The following PCDHGA12 variants were observed in gnomAD, a reference collection of about 807,000 sequenced individuals.
PCDHGA12 encodes the protein protocadherin gamma-A12.
Under a neutral mutation model 61.1 loss-of-function variants are expected in PCDHGA12, and 43 were observed. The observed-to-expected ratio is 0.70, with a 90% CI of 0.55 to 0.91. The LOEUF is 0.91. Among genes scored for constraint, PCDHGA12 ranks in the 40% least tolerant of loss-of-function variants. The pLI, the probability that PCDHGA12 is intolerant of heterozygous loss-of-function variation, is 0.00. For missense variants in PCDHGA12, 1,236 were observed against 1,227.7 expected (o/e 1.01, Z -0.10); for synonymous variants, 520 against 542.9 (o/e 0.96, Z 0.59).
In PCDHGA12 at chr5:141,477,377, C is replaced by A. The variant is rs1456451105; in HGVS notation, c.2425-17430C>A. On this transcript the variant is annotated intron_variant, in intron 1 of 3. Coordinates refer to ENST00000252085, the MANE Select transcript of PCDHGA12 (RefSeq NM_003735.3). This position sits in a 1 kb window ranked among gnomAD's most constrained non-coding sequence, Gnocchi z 4.9. ...TGCAGACCTGGATCGGGAGACTGTG[C>A]CAGAATACAACCTCAGCATCACCGC... 1.2e-6 allele frequency: 2 copies of A among 1,614,026 alleles called. No homozygotes were observed. The highest frequency in any genetic ancestry group is 1.7e-6 in the Non-Finnish European group (2 of 1,180,032).
intron 1 of PCDHGA12, chr5:141,441,945 G>A: frequency 3.0e-6 from 1 of 333,884 alleles, no homozygotes; most frequent in Non-Finnish European, 5.8e-6. Flanking sequence ...ACCACGTGCT[G>A]CAGGCCAGCA....
At chr5:141,452,193 G>A (rs764434048) in intron 1 of PCDHGA12, among the ~76,000 whole-genome samples, 3 of 151,990 alleles carry the variant, frequency 2.0e-5, no homozygotes, top group Admixed American at 6.6e-5. Context: ...ACCTCAAATT[G>A]TTTTAGATGT....
At chr5:141,482,235 T>C (rs2099554999) in intron 1 of PCDHGA12, among the ~76,000 whole-genome samples, 1 of 152,174 alleles carries the variant, frequency 6.6e-6, no homozygotes, top group Non-Finnish European at 1.5e-5. Context: ...AAATTGCCAA[T>C]ATAAGTATAG....
chr5:141,489,084 C>A lies in PCDHGA12; in HGVS notation c.2425-5723C>A. On this transcript the variant is annotated intron_variant, in intron 1 of 3. Coordinates refer to ENST00000252085, the MANE Select transcript of PCDHGA12 (RefSeq NM_003735.3). The surrounding 1 kb of genome is among the most constrained non-coding windows in gnomAD (Gnocchi z 4.5). Reference sequence around the variant, plus strand: ...CTCCCCCCTGCCCACCCCCGCCACTCGGTGACTAAGAACTGCTGCAAGCAG... The same window carrying A: ...CTCCCCCCTGCCCACCCCCGCCACTAGGTGACTAAGAACTGCTGCAAGCAG... The A allele has an allele frequency of 9.1e-6, 3 of 329,124 alleles. No homozygotes were observed. The highest frequency in any genetic ancestry group is 1.1e-5 in the Non-Finnish European group (2 of 186,464). The allele number at this position is 329,124 out of a possible 1,614,324, so 20.4% of individuals were successfully genotyped here. A position where few individuals can be genotyped will look rare whatever the true frequency, so the allele number is the denominator to read the frequency against.
chr5:141,485,358 G>T lies in PCDHGA12; in HGVS notation c.2425-9449G>T. 1.2e-6 allele frequency: 2 copies of T among 1,614,100 alleles called. No individual in the cohort carries two copies. Among genetic ancestry groups the T allele is most frequent in the Non-Finnish European group, 1.7e-6 (2 of 1,180,006 alleles). On this transcript the variant is annotated intron_variant, in intron 1 of 3. Coordinates refer to ENST00000252085, the MANE Select transcript of PCDHGA12 (RefSeq NM_003735.3). This position sits in a 1 kb window ranked among gnomAD's most constrained non-coding sequence, Gnocchi z 5.7. ...CTGGATACGGACAGTCTGTCAGCTC[G>T]CAGGCTGCAGGTCGCTGGAGAGGTG...
Position 141,477,889 on chromosome 5 carries a change from A to T in PCDHGA12, c.2425-16918A>T. 1 of 1,614,152 alleles carries T rather than the reference A, an allele frequency of 6.2e-7. No homozygotes were observed. Among genetic ancestry groups the T allele is most frequent in the Admixed American group, 1.7e-5 (1 of 60,016 alleles). On this transcript the variant is annotated intron_variant, in intron 1 of 3. Coordinates refer to ENST00000252085, the MANE Select transcript of PCDHGA12 (RefSeq NM_003735.3). This position sits in a 1 kb window ranked among gnomAD's most constrained non-coding sequence, Gnocchi z 4.9. The stretch of plus-strand genomic sequence containing the variant: ...GTACCTCAGCTGGCCACCTAGTGTC[A>T]CGGGTGGTAGGCTGGGACGCGGATG...
chr5:141,432,945 G>A lies in PCDHGA12; in HGVS notation c.2186G>A (p.Gly729Glu), dbSNP rs761055026. The change falls in exon 1 of 4, where the codon GGA becomes GAA. Residue 729 changes from glycine to glutamate, a missense_variant. Transcript: ENST00000252085. This position sits in a 1 kb window ranked among gnomAD's most constrained non-coding sequence, Gnocchi z 6.0. ...WHKSRLLQASGGGLTGAPASH... is the reference protein window; with the variant it reads ...WHKSRLLQASEGGLTGAPASH... ...AAGTCACGCCTGCTGCAGGCTTCAGGAGGCGGCTTGACAGGAGCGCCGGCG... is the reference window on the plus strand; with the variant it reads ...AAGTCACGCCTGCTGCAGGCTTCAGAAGGCGGCTTGACAGGAGCGCCGGCG... 3 of 1,614,218 alleles carry A rather than the reference G, an allele frequency of 1.9e-6. No individual in the cohort carries two copies. The highest frequency in any genetic ancestry group is 2.5e-6 in the Non-Finnish European group (3 of 1,180,058).
Position 141,485,227 on chromosome 5 carries a change from G to T in PCDHGA12, c.2425-9580G>T. Reference sequence around the variant, plus strand: ...AAATCTGGCGGTGGGCTACCCTTTTGTTCCTCTTTTACCACCTGGGTTACG... The same window carrying T: ...AAATCTGGCGGTGGGCTACCCTTTTTTTCCTCTTTTACCACCTGGGTTACG... On this transcript the variant is annotated intron_variant, in intron 1 of 3. Transcript: ENST00000252085. The surrounding 1 kb of genome is among the most constrained non-coding windows in gnomAD (Gnocchi z 5.7). The T allele has an allele frequency of 6.2e-7, 1 of 1,614,186 alleles. No individual in the cohort carries two copies. Among genetic ancestry groups the T allele is most frequent in the Non-Finnish European group, 8.5e-7 (1 of 1,180,020 alleles).
chr5:141,487,822 G>C lies in PCDHGA12; in HGVS notation c.2425-6985G>C. On this transcript the variant is annotated intron_variant, in intron 1 of 3. Coordinates refer to ENST00000252085, the MANE Select transcript of PCDHGA12 (RefSeq NM_003735.3). The surrounding 1 kb of genome is among the most constrained non-coding windows in gnomAD (Gnocchi z 5.0). ...TGTCACAGTTTAGCATTGGGGGCGGGTCATGCCTATATCTGAGTAAGAAAT... is the reference window on the plus strand; with the variant it reads ...TGTCACAGTTTAGCATTGGGGGCGGCTCATGCCTATATCTGAGTAAGAAAT... 1 of 1,278,758 alleles carries C rather than the reference G, an allele frequency of 7.8e-7. No individual in the cohort carries two copies. The highest frequency in any genetic ancestry group is 1.4e-5 in the South Asian group (1 of 69,172). The allele number at this position is 1,278,758 out of a possible 1,614,324, so 79.2% of individuals were successfully genotyped here. A position where few individuals can be genotyped will look rare whatever the true frequency, so the allele number is the denominator to read the frequency against.
chr5:141,489,483 T>G lies in PCDHGA12; in HGVS notation c.2425-5324T>G. 1.9e-6 allele frequency: 3 copies of G among 1,613,980 alleles called. No individual in the cohort carries two copies. The highest frequency in any genetic ancestry group is 2.5e-6 in the Non-Finnish European group (3 of 1,180,008). ...GCTATTTTTCCCTGAGCTTGATGAG[T>G]GGTGCCCTGGCAGTGAATCAAAAGA... On this transcript the variant is annotated intron_variant, in intron 1 of 3. Coordinates refer to ENST00000252085, the MANE Select transcript of PCDHGA12 (RefSeq NM_003735.3). This position sits in a 1 kb window ranked among gnomAD's most constrained non-coding sequence, Gnocchi z 4.5.
At chr5:141,446,830 A>G (rs1289946397) in intron 1 of PCDHGA12, among the ~76,000 whole-genome samples, 1 of 152,176 alleles carries the variant, frequency 6.6e-6, no homozygotes, top group Non-Finnish European at 1.5e-5. Flanking sequence ...GTAGATCCTT[A>G]TAAGGCTGAG....
Position 141,476,570 on chromosome 5 carries a change from A to G in PCDHGA12, c.2425-18237A>G. ...GATTAGCGAGGCCGTGGCTCCGGGG[A>G]CGCGCTTTCCGCTCGAGAGCGCGCA... On this transcript the variant is annotated intron_variant, in intron 1 of 3. Transcript: ENST00000252085. The surrounding 1 kb of genome is among the most constrained non-coding windows in gnomAD (Gnocchi z 7.6). 3 of 1,614,114 alleles carry G rather than the reference A, an allele frequency of 1.9e-6. No individual in the cohort carries two copies. The highest frequency in any genetic ancestry group is 2.5e-6 in the Non-Finnish European group (3 of 1,180,012).
chr5:141,485,106 TGGCTGTTTGGGGCGGGTC>T lies in PCDHGA12; in HGVS notation c.2425-9696_2425-9679del. 1 of 1,206,448 alleles carries T rather than the reference TGGCTGTTTGGGGCGGGTC, an allele frequency of 8.3e-7. No homozygotes were observed. The highest frequency in any genetic ancestry group is 1.2e-6 in the Non-Finnish European group (1 of 828,284). 74.7% of individuals were successfully genotyped at this position (1,206,448 alleles called of 1,614,324 possible). Reference sequence around the variant, plus strand: ...GGGAGATAGGTGTCTCCAGCTGCTGTGGCTGTTTGGGGCGGGTCGGCTTCATCCGCGTCTCAGGAGCAA... The same window carrying T: ...GGGAGATAGGTGTCTCCAGCTGCTGTGGCTTCATCCGCGTCTCAGGAGCAA... On this transcript the variant is annotated intron_variant, in intron 1 of 3. Coordinates refer to ENST00000252085, the MANE Select transcript of PCDHGA12 (RefSeq NM_003735.3). This position sits in a 1 kb window ranked among gnomAD's most constrained non-coding sequence, Gnocchi z 5.7.
intron 3 of PCDHGA12, among the ~76,000 whole-genome samples, chr5:141,509,381 C>T (rs181928019): frequency 6.6e-6 from 1 of 152,256 alleles, no homozygotes; most frequent in East Asian, 1.9e-4. Flanking sequence ...TGTCTCCTAA[C>T]CACAGAGGAT....
Position 141,491,498 on chromosome 5 carries a change from C to T in PCDHGA12, c.2425-3309C>T, listed in dbSNP as rs975297143. 2 of 1,614,102 alleles carry T rather than the reference C, an allele frequency of 1.2e-6. No homozygotes were observed. Among genetic ancestry groups the T allele is most frequent in the Non-Finnish European group, 1.7e-6 (2 of 1,180,018 alleles). ...TCCAGCCCCAACCTGCAGGTGAGCT[C>T]GGACGGCACGCTCAAGTACATGGAG... On this transcript the variant is annotated intron_variant, in intron 1 of 3. Transcript: ENST00000252085. The surrounding 1 kb of genome is among the most constrained non-coding windows in gnomAD (Gnocchi z 6.9).
intron 1 of PCDHGA12, among the ~76,000 whole-genome samples, chr5:141,488,511 G>A (rs2099676160): frequency 6.6e-6 from 1 of 152,162 alleles, no homozygotes. Context: ...CCACATTTGG[G>A]GTCTGGGGTG....
chr5:141,455,737 A>T (rs1290390106), intron 1 of PCDHGA12, among the ~76,000 whole-genome samples: 1 of 152,162 alleles, frequency 6.6e-6, no homozygotes, highest in Non-Finnish European at 1.5e-5. Context: ...TTTGCATATC[A>T]AAGGTTGCTG....
chr5:141,476,455 G>C lies in PCDHGA12; in HGVS notation c.2425-18352G>C, dbSNP rs572682842. On this transcript the variant is annotated intron_variant, in intron 1 of 3. Transcript: ENST00000252085. The surrounding 1 kb of genome is among the most constrained non-coding windows in gnomAD (Gnocchi z 7.6). ...CTGTAACTCTGGAGTTGGTAGTGGA[G>C]AACCCGCTGGAGCTGTTCAGCGTGG... 22 of 1,614,152 alleles carry C rather than the reference G, an allele frequency of 1.4e-5. No homozygotes were observed. In the South Asian group the frequency reaches 2.4e-4, roughly 18 times the overall value.
chr5:141,477,705 G>A lies in PCDHGA12; in HGVS notation c.2425-17102G>A, dbSNP rs1285254654. On this transcript the variant is annotated intron_variant, in intron 1 of 3. Coordinates refer to ENST00000252085, the MANE Select transcript of PCDHGA12 (RefSeq NM_003735.3). The surrounding 1 kb of genome is among the most constrained non-coding windows in gnomAD (Gnocchi z 4.9). ...TTAGTGCCCCTAGACTATGAGGATCGGCGGGAATTTGAATTAACAGCTCAT... is the reference window on the plus strand; with the variant it reads ...TTAGTGCCCCTAGACTATGAGGATCAGCGGGAATTTGAATTAACAGCTCAT... The A allele has an allele frequency of 6.2e-7, 1 of 1,614,008 alleles. No homozygotes were observed. Among genetic ancestry groups the A allele is most frequent in the Non-Finnish European group, 8.5e-7 (1 of 1,180,048 alleles).
Sources: gnomAD v4.1 joint callset for allele counts (sites outside exome capture counted in the v4.1 genomes callset) on GRCh38, gnomAD v4.1.1 for gene constraint, Gnocchi (gnomAD v3.1) non-coding constraint, MANE v1.5 for transcripts, NCBI Gene and HGNC (gene_info 2026-07-23, HGNC 2026-07-21) for gene names.